The following NKTR variants were observed in gnomAD, a reference collection of about 807,000 sequenced individuals.
NKTR encodes the protein NK-tumor recognition protein.
In NKTR, 67 loss-of-function variants were observed where a neutral mutation model predicts 156.3. The observed-to-expected ratio is 0.43, with a 90% CI of 0.35 to 0.53. The LOEUF is 0.53. NKTR is among the 20% of genes least tolerant of loss of function. NKTR has a pLI of 0.01. For missense variants in NKTR, 1,604 were observed against 1,730.9 expected (o/e 0.93, Z 1.30); for synonymous variants, 640 against 596.6 (o/e 1.07, Z -1.06).
At position 42,635,385 on chromosome 3, in the gene NKTR, AG is replaced by A. The variant is rs1559581135; in HGVS notation, c.1163+20del. On this transcript the variant is annotated intron_variant, in intron 12 of 16. Coordinates refer to ENST00000232978, the MANE Select transcript of NKTR (RefSeq NM_005385.4). ...GAGATAAGTAAGAACTTTGAGTATA[AG>A]CACAATCCTGTGTCTGTTATATTTT... The A allele has an allele frequency of 6.3e-7, 1 of 1,586,508 alleles. No homozygotes were observed.
rs1208285170 is a variant in NKTR at position 42,639,454 on chromosome 3, G to A, written c.3750G>A (p.Val1250=). 3.7e-6 allele frequency: 6 copies of A among 1,614,110 alleles called. No homozygotes were observed. The highest frequency in any genetic ancestry group is 5.1e-6 in the Non-Finnish European group (6 of 1,180,050). ...AATSSAVEVK[V]LTTVPEMKPQ... is the part of the protein sequence containing the mutation. ...CATCCAGTGCTGTGGAAGTTAAGGTGTTGACCACTGTGCCTGAAATGAAAC... is the reference window on the plus strand; with the variant it reads ...CATCCAGTGCTGTGGAAGTTAAGGTATTGACCACTGTGCCTGAAATGAAAC... The change falls in exon 13 of 17, where the codon GTG becomes GTA. Residue 1250 remains valine, a synonymous_variant. Transcript: ENST00000232978.
chr3:42,604,459 GTGCACTTGAATGTACATTC>G (rs948038195), intron 2 of NKTR, among the ~76,000 whole-genome samples: 8 of 150,806 alleles, frequency 5.3e-5, no homozygotes, highest in Middle Eastern at 3.4e-3. Flanking sequence ...TCCGTTCTTT[GTGCACTTGAATGTACATTC>G]TGCACTTGAA....
chr3:42,605,064 G>A (rs1391501353), intron 2 of NKTR, among the ~76,000 whole-genome samples: 1 of 151,978 alleles, frequency 6.6e-6, no homozygotes, highest in African/African-American at 2.4e-5. Flanking sequence ...TACATATTTA[G>A]GATTGTTGTC....
At chr3:42,604,705 G>T (rs1224090267) in intron 2 of NKTR, among the ~76,000 whole-genome samples, 5 of 57,764 alleles carry the variant, frequency 8.7e-5, no homozygotes, top group South Asian at 5.4e-4. Flanking sequence ...TTTTGAGACT[G>T]AGTCTTGCTC....
At chr3:42,601,374 C>G in intron 2 of NKTR, 1 of 241,608 alleles carries the variant, frequency 4.1e-6, no homozygotes, top group Non-Finnish European at 8.0e-6. Context: ...CCCAGTGTCT[C>G]CGTGAGGCAG....
In NKTR at chr3:42,637,302, C is replaced by T; in HGVS notation, c.1598C>T (p.Ser533Leu). The T allele has an allele frequency of 6.2e-7, 1 of 1,614,114 alleles. No homozygotes were observed. Among genetic ancestry groups the T allele is most frequent in the Non-Finnish European group, 8.5e-7 (1 of 1,180,026 alleles). Residue 533 changes from serine to leucine, a missense_variant, in exon 13 of 17, where the codon TCA (serine) becomes TTA (leucine). Coordinates refer to ENST00000232978, the MANE Select transcript of NKTR (RefSeq NM_005385.4). ...SHSQSYSRGS[S>L]RSRTASKSSS... ...TCACAGTCTTATTCTAGAGGAAGCT[C>T]AAGATCAAGGACTGCGTCAAAGTCC...
At chr3:42,618,503 A>C (rs575910689) in intron 3 of NKTR, among the ~76,000 whole-genome samples, 1 of 152,078 alleles carries the variant, frequency 6.6e-6, no homozygotes, top group South Asian at 2.1e-4. Context: ...GGAGTGCGGT[A>C]GTGTGATCTC....
chr3:42,608,015 G>A (rs912232761), intron 2 of NKTR, among the ~76,000 whole-genome samples: 1 of 51,900 alleles, frequency 1.9e-5, no homozygotes, highest in Non-Finnish European at 4.1e-5. Context: ...TTTTTTTTGA[G>A]TTTCCTTCTT....
At chr3:42,602,787 G>A (rs1163285286) in intron 2 of NKTR, 1 of 151,884 alleles carries the variant, frequency 6.6e-6, no homozygotes, top group Non-Finnish European at 1.5e-5. Flanking sequence ...AGGCAGACGC[G>A]GGTGTATCAT....
intron 1 of NKTR, 57 bp from the exon 2 acceptor site, chr3:42,600,927 T>C (rs879549245): frequency 7.6e-5 from 76 of 1,006,576 alleles, no homozygotes; most frequent in Non-Finnish European, 9.4e-5. Context: ...CCCTCGCCCC[T>C]GCCCTCGCCC....
chr3:42,604,659 C>CTTTTTTTTTTTTTT lies in NKTR; in HGVS notation c.58+3621_58+3634dup, dbSNP rs71072726. On this transcript the variant is annotated intron_variant, in intron 2 of 16. Transcript: ENST00000232978. ...AATTGTGGATTTATCTATTTCTCTC[C>CTTTTTTTTTTTTTT]TTTTTTTTTTTTTTTTTTTTTTTTT... Among the ~76,000 whole-genome samples, 19 of 45,292 alleles carry CTTTTTTTTTTTTTT rather than the reference C, an allele frequency of 4.2e-4. 5 individuals carry two copies. The highest frequency in any genetic ancestry group is 6.1e-4 in the Admixed American group (2 of 3,260). The allele number at this position is 45,292 out of a possible 152,430, so 29.7% of individuals were successfully genotyped here. A position where few individuals can be genotyped will look rare whatever the true frequency, so the allele number is the denominator to read the frequency against.
Position 42,646,254 on chromosome 3 carries a change from G to T in NKTR, c.*279G>T. On this transcript the variant is annotated 3_prime_UTR_variant, in exon 17 of 17. Coordinates refer to ENST00000232978, the MANE Select transcript of NKTR (RefSeq NM_005385.4). ...CGTGAAATTTATCTATGTATAATTT[G>T]CAATATTATTTTAAGTCTATTTCAC... The T allele has an allele frequency of 3.3e-6, 1 of 306,886 alleles. No homozygotes were observed. Among genetic ancestry groups the T allele is most frequent in the Non-Finnish European group, 6.2e-6 (1 of 160,730 alleles). 19.0% of individuals were successfully genotyped at this position (306,886 alleles called of 1,614,324 possible). A position where few individuals can be genotyped will look rare whatever the true frequency, so the allele number is the denominator to read the frequency against.
chr3:42,630,622 G>A, intron 7 of NKTR, 47 bp downstream of exon 7: 1 of 1,611,930 alleles, frequency 6.2e-7, no homozygotes, highest in South Asian at 1.1e-5. Context: ...TGGGTGGCCA[G>A]CCATAAAGAG....
chr3:42,604,659 C>CTT lies in NKTR; in HGVS notation c.58+3633_58+3634dup, dbSNP rs71072726. 1.8e-3 allele frequency among the ~76,000 whole-genome samples: 83 copies of CTT among 45,288 alleles called. 13 individuals carry two copies. The highest frequency in any genetic ancestry group is 2.7e-3 in the Non-Finnish European group (68 of 25,126). 29.7% of individuals were successfully genotyped at this position (45,288 alleles called of 152,430 possible). On this transcript the variant is annotated intron_variant, in intron 2 of 16. Coordinates refer to ENST00000232978, the MANE Select transcript of NKTR (RefSeq NM_005385.4). The stretch of plus-strand genomic sequence containing the variant: ...AATTGTGGATTTATCTATTTCTCTC[C>CTT]TTTTTTTTTTTTTTTTTTTTTTTTT...
intron 2 of NKTR, among the ~76,000 whole-genome samples, chr3:42,614,519 T>C (rs1317107390): frequency 6.6e-6 from 1 of 152,180 alleles, no homozygotes; most frequent in Non-Finnish European, 1.5e-5. Context: ...TAGCCTGTTT[T>C]CTATAAAATC....
At chr3:42,643,562 C>A in intron 15 of NKTR, 167 bp downstream of exon 15, 1 of 646,222 alleles carries the variant, frequency 1.5e-6, no homozygotes, top group Non-Finnish European at 2.8e-6. Flanking sequence ...TATCTGTTGG[C>A]CCATTGTACT....
At position 42,637,879 on chromosome 3, in the gene NKTR, A is replaced by G. The variant is rs749177560; in HGVS notation, c.2175A>G (p.Arg725=). Residue 725 remains arginine, a synonymous_variant, in exon 13 of 17, where the codon AGA becomes AGG. Transcript: ENST00000232978. ...CAAGGTCTAGGTCTCCATCATCTAG[A>G]TCTCATTCACGAAATAAATACAGTG... ...SHSRSRSPSS[R]SHSRNKYSDH... is the part of the protein sequence containing the mutation. 1.2e-6 allele frequency: 2 copies of G among 1,614,056 alleles called. No individual in the cohort carries two copies. The highest frequency in any genetic ancestry group is 1.1e-5 in the South Asian group (1 of 91,070).
chr3:42,604,659 CTTTTTTTTTTTTTTTTTTTTTTTTTT>C (rs71072726), intron 2 of NKTR, among the ~76,000 whole-genome samples: 2 of 45,294 alleles, frequency 4.4e-5, no homozygotes, highest in South Asian at 8.0e-4. Context: ...TATTTCTCTC[CTTTTTTTTTTTTTTTTTTTTTTTTTT>C]TTTTTTTTTT....
rs754525177 is a variant in NKTR at position 42,639,690 on chromosome 3, C to T, written c.3986C>T (p.Thr1329Ile). 10 of 1,613,950 alleles carry T rather than the reference C, an allele frequency of 6.2e-6. No individual in the cohort carries two copies. The East Asian group carries it at 2.0e-4, about 32-fold the overall frequency. Residue 1329 changes from threonine to isoleucine, a missense_variant, in exon 13 of 17, where the codon ACA (threonine) becomes ATA (isoleucine). Around this residue, in one of 6 missense-constraint regions of NKTR, gnomAD observed 193 missense variants for 220.2 expected, o/e 0.88. Coordinates refer to ENST00000232978, the MANE Select transcript of NKTR (RefSeq NM_005385.4). ...SKSETKSRHR[T>I]RSVSYSHSRS... ...TCTGAAACCAAATCAAGACACAGAA[C>T]AAGGTCTGTCTCCTATAGTCACTCA...
Sources: gnomAD v4.1 joint callset for allele counts (sites outside exome capture counted in the v4.1 genomes callset) on GRCh38, gnomAD v4.1.1 for gene constraint, gnomAD v4.1.1 regional missense constraint, MANE v1.5 for transcripts, NCBI Gene and HGNC (gene_info 2026-07-23, HGNC 2026-07-21) for gene names.